The following ELF2 variants were observed in gnomAD, a reference collection of about 807,000 sequenced individuals.
ELF2 encodes the protein E74 like ETS transcription factor 2.
Under a neutral mutation model 54.8 loss-of-function variants are expected in ELF2, and 11 were observed. That is an observed-to-expected ratio of 0.20 (90% confidence interval 0.13 to 0.33). The LOEUF (loss-of-function observed/expected upper bound fraction) is 0.33, where lower values mean the gene tolerates loss of function less well. ELF2 is among the 10% of genes least tolerant of loss of function. The probability of loss-of-function intolerance (pLI) is 1.00; values close to 1 mark genes in which losing one functional copy is unlikely to be tolerated. For synonymous variants in ELF2, 203 were observed against 245.1 expected, an observed-to-expected ratio of 0.83 and a Z score of 1.61; for missense variants, 513 against 703.0, an observed-to-expected ratio of 0.73 and a Z score of 3.06.
At chr4:139,086,283 G>C (rs1460195474) in intron 4 of ELF2, among the ~76,000 whole-genome samples, 1 of 151,962 alleles carries the variant, frequency 6.6e-6, no homozygotes, top group Non-Finnish European at 1.5e-5. Context: ...AGCATGTTTA[G>C]GGAAAAAACA....
At position 139,083,876 on chromosome 4, in the gene ELF2, A is replaced by AGCT. The variant is rs1015759168; in HGVS notation, c.239-10312_239-10310dup. Among the ~76,000 whole-genome samples, 17 of 152,290 alleles carry AGCT rather than the reference A, an allele frequency of 1.1e-4. No homozygotes were observed. In the East Asian group the frequency reaches 2.3e-3, roughly 21 times the overall value. On this transcript the variant is annotated intron_variant, in intron 4 of 9. Transcript: ENST00000686138. The stretch of plus-strand genomic sequence containing the variant: ...ACCCGCTGCCAGCGCTCAGCCCGGC[A>AGCT]GCTGCTGCTGCTGCTCGCCGAACCC...
chr4:139,128,489 C>T (rs531492141), intron 3 of ELF2, among the ~76,000 whole-genome samples: 1 of 151,888 alleles, frequency 6.6e-6, no homozygotes, highest in Non-Finnish European at 1.5e-5. Flanking sequence ...TGTTCCACCA[C>T]CTCACTGAAG....
At chr4:139,147,618 C>A (rs1222709415) in intron 1 of ELF2, among the ~76,000 whole-genome samples, 1 of 148,238 alleles carries the variant, frequency 6.7e-6, no homozygotes, top group Non-Finnish European at 1.5e-5. Flanking sequence ...ATTACAGGCA[C>A]CTGCCACTGC....
At chr4:139,098,803 T>C (rs116103288) in intron 4 of ELF2, among the ~76,000 whole-genome samples, 1,530 of 152,378 alleles carry the variant, frequency 0.01, 24 homozygotes, top group African/African-American at 0.035. Flanking sequence ...TTATCTGTTA[T>C]ATATTAGCTG....
At chr4:139,174,634 G>A (rs1742721952) in intron 1 of ELF2, among the ~76,000 whole-genome samples, 1 of 152,052 alleles carries the variant, frequency 6.6e-6, no homozygotes, top group Non-Finnish European at 1.5e-5. Flanking sequence ...AACATGTACA[G>A]ACTTTTTTCT....
intron 4 of ELF2, among the ~76,000 whole-genome samples, chr4:139,113,005 T>C (rs1312042460): frequency 6.6e-6 from 1 of 152,250 alleles, no homozygotes; most frequent in African/African-American, 2.4e-5. Flanking sequence ...CGTCTAGATA[T>C]ACTTTTCTTT....
At chr4:139,166,586 A>G (rs1741745266) in intron 1 of ELF2, among the ~76,000 whole-genome samples, 2 of 152,126 alleles carry the variant, frequency 1.3e-5, no homozygotes, top group South Asian at 4.1e-4. Context: ...ATATGAGATT[A>G]GGCCGGGCAC....
intron 4 of ELF2, among the ~76,000 whole-genome samples, chr4:139,074,480 A>T (rs1729986096): frequency 6.6e-6 from 1 of 152,054 alleles, no homozygotes; most frequent in African/African-American, 2.4e-5. Flanking sequence ...AAAATATTGC[A>T]GGGGGGCCGG....
intron 3 of ELF2, among the ~76,000 whole-genome samples, chr4:139,135,739 T>C (rs1049731969): frequency 1.3e-5 from 2 of 152,216 alleles, no homozygotes; most frequent in Admixed American, 1.3e-4. Flanking sequence ...CCACACTACC[T>C]GACATGCTCA....
At chr4:139,123,107 C>T (rs1474235649) in intron 4 of ELF2, among the ~76,000 whole-genome samples, 2 of 151,130 alleles carry the variant, frequency 1.3e-5, no homozygotes, top group Non-Finnish European at 3.0e-5. Context: ...TCATTTGAAC[C>T]CGGGAGGCAG....
At chr4:139,173,056 C>G (rs1742486676) in intron 1 of ELF2, among the ~76,000 whole-genome samples, 1 of 151,868 alleles carries the variant, frequency 6.6e-6, no homozygotes, top group African/African-American at 2.4e-5. Flanking sequence ...TCCACTTATA[C>G]AAAATATCCA....
intron 3 of ELF2, among the ~76,000 whole-genome samples, chr4:139,133,502 T>G (rs1480136133): frequency 6.6e-6 from 1 of 152,234 alleles, no homozygotes; most frequent in Non-Finnish European, 1.5e-5. Flanking sequence ...CCTTCAACTC[T>G]GTTCTTAACC....
intron 4 of ELF2, among the ~76,000 whole-genome samples, chr4:139,106,237 C>CT (rs1231435482): frequency 2.0e-5 from 3 of 151,978 alleles, no homozygotes; most frequent in African/African-American, 7.3e-5. Context: ...GACTGAGAGG[C>CT]TTTTTTTCCT....
intron 4 of ELF2, among the ~76,000 whole-genome samples, chr4:139,094,233 A>T (rs1733000761): frequency 6.6e-6 from 1 of 152,160 alleles, no homozygotes; most frequent in Non-Finnish European, 1.5e-5. Context: ...GAAATAAGAT[A>T]ACTGGAAAGA....
intron 4 of ELF2, among the ~76,000 whole-genome samples, chr4:139,114,597 A>ACACACACACACACACACACACACAC (rs1370544863): frequency 1.4e-4 from 20 of 145,744 alleles, no homozygotes; most frequent in Middle Eastern, 3.4e-3. Flanking sequence ...ACACACACAC[A>ACACACACACACACACACACACACAC]ATTTAGGAGC....
intron 4 of ELF2, among the ~76,000 whole-genome samples, chr4:139,093,310 A>C (rs1199614194): frequency 6.6e-6 from 1 of 152,200 alleles, no homozygotes; most frequent in Non-Finnish European, 1.5e-5. Context: ...CCTTCCCTCC[A>C]CAAAAAACAA....
rs1287271832 is a variant in ELF2 at position 139,176,970 on chromosome 4, C to CGACG, written c.-256_-255insCGTC. The CGACG allele has an allele frequency of 6.6e-6, 1 of 152,190 alleles. No homozygotes were observed. Among genetic ancestry groups the CGACG allele is most frequent in the African/African-American group, 2.4e-5 (1 of 41,454 alleles). 9.4% of individuals were successfully genotyped at this position (152,190 alleles called of 1,614,324 possible). On this transcript the variant is annotated 5_prime_UTR_variant, in exon 1 of 10. Coordinates refer to ENST00000686138, the MANE Select transcript of ELF2 (RefSeq NM_001331036.3). ...CCTCGGCTGCCCGCGCTCTTACCTG[C>CGACG]TCTCCGCGACGCCTGGGAAGACCGC...
At chr4:139,152,726 A>G (rs1740131846) in intron 1 of ELF2, among the ~76,000 whole-genome samples, 1 of 152,138 alleles carries the variant, frequency 6.6e-6, no homozygotes, top group African/African-American at 2.4e-5. Context: ...TTAACTGATG[A>G]AATTAAATAT....
At chr4:139,122,792 C>T (rs1050417802) in intron 4 of ELF2, among the ~76,000 whole-genome samples, 1 of 151,722 alleles carries the variant, frequency 6.6e-6, no homozygotes, top group Non-Finnish European at 1.5e-5. Context: ...TGAGCTACCA[C>T]GCTCGGCCTG....
Sources: gnomAD v4.1 joint callset for allele counts (sites outside exome capture counted in the v4.1 genomes callset) on GRCh38, gnomAD v4.1.1 for gene constraint, MANE v1.5 for transcripts, NCBI Gene and HGNC (gene_info 2026-07-23, HGNC 2026-07-21) for gene names.